RSPH14: variants seen among roughly 807,000 people sequenced by gnomAD.
RSPH14 encodes the protein radial spoke head 14 homolog.
In RSPH14, 20 loss-of-function variants were observed where a neutral mutation model predicts 26.7. That is an observed-to-expected ratio of 0.75 (90% CI 0.53 to 1.09). RSPH14 has a LOEUF of 1.09. Ranked by LOEUF, RSPH14 falls within the 50% of genes least tolerant of loss-of-function variation. RSPH14 has a pLI of 0.00. For synonymous variants in RSPH14, 177 were observed against 189.3 expected, an observed-to-expected ratio of 0.93 and a Z score of 0.53; for missense variants, 449 against 457.2, an observed-to-expected ratio of 0.98 and a Z score of 0.16.
chr22:23,105,718 A>G (rs529481142), intron 4 of RSPH14, among the ~76,000 whole-genome samples: 1 of 152,304 alleles, frequency 6.6e-6, no homozygotes, highest in South Asian at 2.1e-4. Flanking sequence ...AATCTACAAC[A>G]CACCTGTATC....
rs546636104 is a variant in RSPH14 at position 23,071,673 on chromosome 22, T to A, written c.422-7540A>T. Among the ~76,000 whole-genome samples, 171 of 152,240 alleles carry A rather than the reference T, an allele frequency of 1.1e-3. No homozygotes were observed. The highest frequency in any genetic ancestry group is 2.0e-3 in the Non-Finnish European group (133 of 68,002). On this transcript the variant is annotated intron_variant, in intron 4 of 6. Transcript: ENST00000216036. This position sits in a 1 kb window ranked among gnomAD's most constrained non-coding sequence, Gnocchi z 4.1. ...ATTGACCACCGCATAGGGGAAAACG[T>A]CTCTACTCGACCAACCCCGCTTGAG...
In RSPH14 at chr22:23,138,923, T is replaced by G; in HGVS notation, c.219A>C (p.Lys73Asn). ...AMNIGCMENL[K>N]ALLKDSNSMV... ...TACTGTTGCTATCCTTCAGCAAAGCTTTCAGGTTCTCCATACAGCCTAGAA... is the reference window on the plus strand; with the variant it reads ...TACTGTTGCTATCCTTCAGCAAAGCGTTCAGGTTCTCCATACAGCCTAGAA... Residue 73 changes from lysine to asparagine, a missense_variant, in exon 3 of 7, where the codon AAA (lysine) becomes AAC (asparagine). By Grantham distance (94) the Lys-to-Asn change is moderately conservative. Coordinates refer to ENST00000216036, the MANE Select transcript of RSPH14 (RefSeq NM_014433.3). 6.5e-7 allele frequency: 1 copy of G among 1,547,022 alleles called. No homozygotes were observed. Among genetic ancestry groups the G allele is most frequent in the Non-Finnish European group, 8.7e-7 (1 of 1,146,216 alleles).
At chr22:23,133,976 G>A (rs759341102) in intron 4 of RSPH14, 50 bp downstream of exon 4, 58 of 1,353,448 alleles carry the variant, frequency 4.3e-5, no homozygotes, top group Admixed American at 1.0e-4. Flanking sequence ...AGAGGAGACC[G>A]ACGGACAACT....
upstream of RSPH14, among the ~76,000 whole-genome samples, chr22:23,149,417 C>T (rs1036918265): frequency 1.3e-5 from 2 of 152,208 alleles, no homozygotes; most frequent in African/African-American, 4.8e-5. Context: ...CCCTGAGGCC[C>T]ATGCTCTTAA....
intron 4 of RSPH14, among the ~76,000 whole-genome samples, chr22:23,098,447 G>A (rs893161272): frequency 6.6e-6 from 1 of 152,150 alleles, no homozygotes; most frequent in Non-Finnish European, 1.5e-5. Flanking sequence ...CCTCTCCCAG[G>A]CCTGTCCCTG....
chr22:23,059,936 C>T (rs2068056937), intron 6 of RSPH14, among the ~76,000 whole-genome samples: 1 of 152,274 alleles, frequency 6.6e-6, no homozygotes, highest in African/African-American at 2.4e-5. Flanking sequence ...CCGGCCTCAA[C>T]TGGCTCCTCT....
chr22:23,145,938 T>C (rs1051968023), upstream of RSPH14: 35 of 981,198 alleles, frequency 3.6e-5, no homozygotes, highest in Non-Finnish European at 4.2e-5. Context: ...CAGGCCCACC[T>C]AGAGCCTTCG....
intron 4 of RSPH14, chr22:23,096,487 G>A (rs1417443174): frequency 8.7e-6 from 13 of 1,489,212 alleles, no homozygotes; most frequent in South Asian, 2.5e-5. Context: ...AAGAGGACTC[G>A]TGAGGTCCAG....
intron 3 of RSPH14, among the ~76,000 whole-genome samples, chr22:23,135,784 G>T (rs1050065672): frequency 5.9e-5 from 9 of 151,908 alleles, no homozygotes; most frequent in Non-Finnish European, 1.0e-4. Context: ...CATTTCTTCA[G>T]TTCCTTGCTT....
At chr22:23,111,926 C>G (rs895964292) in intron 4 of RSPH14, among the ~76,000 whole-genome samples, 2 of 152,214 alleles carry the variant, frequency 1.3e-5, no homozygotes, top group African/African-American at 4.8e-5. Flanking sequence ...CAGAGTGTGT[C>G]ACTAGGAGCA....
chr22:23,088,231 G>A (rs1052178061), intron 4 of RSPH14, among the ~76,000 whole-genome samples: 10 of 152,168 alleles, frequency 6.6e-5, no homozygotes, highest in Admixed American at 1.3e-4. Flanking sequence ...CCATCTACAC[G>A]CCCAAAATGT....
chr22:23,061,214 G>A (rs1216971546), intron 6 of RSPH14, among the ~76,000 whole-genome samples: 1 of 152,170 alleles, frequency 6.6e-6, no homozygotes, highest in Non-Finnish European at 1.5e-5. Context: ...AGGGGCCAGA[G>A]GGAAAGTCAA....
At chr22:23,088,318 GC>G (rs1460265830) in intron 4 of RSPH14, among the ~76,000 whole-genome samples, 2 of 152,144 alleles carry the variant, frequency 1.3e-5, no homozygotes, top group Non-Finnish European at 2.9e-5. Context: ...TGGGGTTGGA[GC>G]CTTACCCACT....
upstream of RSPH14, chr22:23,145,618 G>A: frequency 6.6e-7 from 1 of 1,504,404 alleles, no homozygotes; most frequent in South Asian, 1.2e-5. Flanking sequence ...ACATCCCGAG[G>A]CCAGGGCCGC....
rs549325469 is a variant in RSPH14, at chr22:23,111,381, G to A, written c.421+22645C>T. Among the ~76,000 whole-genome samples, 76 of 152,316 alleles carry A rather than the reference G, an allele frequency of 5.0e-4. No homozygotes were observed. In the South Asian group the frequency reaches 0.015, roughly 30 times the overall value. ...AGGCAAGCGCACTGGACTCGGTTCC[G>A]CCTAGTGGCAAAGAGGCCCAGAAAA... is the stretch of plus-strand genomic sequence containing the variant. On this transcript the variant is annotated intron_variant, in intron 4 of 6. Transcript: ENST00000216036.
At chr22:23,143,698 C>A (rs564165436), upstream of RSPH14, among the ~76,000 whole-genome samples, 8 of 152,198 alleles carry the variant, frequency 5.3e-5, no homozygotes, top group Non-Finnish European at 2.9e-5. Context: ...GATCCCCATG[C>A]GCATGTAAAA....
chr22:23,103,037 A>G (rs1372509310), intron 4 of RSPH14, among the ~76,000 whole-genome samples: 1 of 152,204 alleles, frequency 6.6e-6, no homozygotes, highest in East Asian at 1.9e-4. Context: ...CTTCGGCACC[A>G]TGCCAGGCAG....
the RSPH14 span, chr22:23,180,622 GAAGC>G: frequency 8.6e-5 from 15 of 174,922 alleles, no homozygotes. Flanking sequence ...GGGCGGTGCG[GAAGC>G]GAGAGGCGAG....
intron 5 of RSPH14, among the ~76,000 whole-genome samples, chr22:23,063,019 G>T (rs2068125815): frequency 6.6e-6 from 1 of 152,228 alleles, no homozygotes; most frequent in African/African-American, 2.4e-5. Flanking sequence ...TAACGGCAGG[G>T]ATGGTGGTCA....
Sources: allele counts gnomAD v4.1 joint callset (sites outside exome capture counted in the v4.1 genomes callset), GRCh38; gene constraint gnomAD v4.1.1; non-coding constraint Gnocchi (gnomAD v3.1); transcripts MANE v1.5; gene names NCBI Gene and HGNC (gene_info 2026-07-23, HGNC 2026-07-21).